XXYLT1: variants seen among roughly 807,000 people sequenced by gnomAD.
The protein encoded by XXYLT1 is UDP-xylose:alpha-xyloside alpha-1,3-xylosyltransferase.
A neutral mutation model predicts 28.9 loss-of-function variants in XXYLT1; 20 were observed. That is an observed-to-expected ratio of 0.69 (90% CI 0.49 to 1.00). The LOEUF is 1.00. Ranked by LOEUF, XXYLT1 falls within the 50% of genes least tolerant of loss-of-function variation. The probability of loss-of-function intolerance (pLI) is 0.00; values close to 1 mark genes in which losing one functional copy is unlikely to be tolerated. For missense variants in XXYLT1, 542 were observed against 560.1 expected (o/e 0.97, Z 0.33); for synonymous variants, 257 against 253.8 (o/e 1.01, Z -0.12).
intron 3 of XXYLT1, among the ~76,000 whole-genome samples, chr3:195,112,458 G>C (rs1168247369): frequency 1.4e-5 from 2 of 146,272 alleles, no homozygotes; most frequent in Non-Finnish European, 3.0e-5. Flanking sequence ...CCACACGCAT[G>C]TGCACACCCA....
chr3:195,167,951 CGAT>C (rs1329780672), intron 2 of XXYLT1, among the ~76,000 whole-genome samples: 1 of 152,196 alleles, frequency 6.6e-6, no homozygotes, highest in Non-Finnish European at 1.5e-5. Context: ...CACTCATACT[CGAT>C]GAAGAAATGA....
intron 3 of XXYLT1, among the ~76,000 whole-genome samples, chr3:195,097,339 T>C (rs1577021641): frequency 6.6e-6 from 1 of 151,568 alleles, no homozygotes; most frequent in Non-Finnish European, 1.5e-5. Flanking sequence ...TCATCCTCAC[T>C]AAACTTTGTG....
chr3:195,211,923 T>C, intron 2 of XXYLT1, among the ~76,000 whole-genome samples: 1 of 133,862 alleles, frequency 7.5e-6, no homozygotes. Context: ...CAGGAAGATC[T>C]GGAGGAGGAA....
intron 1 of XXYLT1, among the ~76,000 whole-genome samples, chr3:195,249,499 G>A (rs903210392): frequency 2.0e-5 from 3 of 152,174 alleles, no homozygotes; most frequent in African/African-American, 4.8e-5. Flanking sequence ...AGGCAGCAAC[G>A]TAGATGGACA....
intron 2 of XXYLT1, among the ~76,000 whole-genome samples, chr3:195,167,198 T>A (rs1721170181): frequency 6.6e-6 from 1 of 152,250 alleles, no homozygotes; most frequent in African/African-American, 2.4e-5. Context: ...AACAACATTT[T>A]GTGGGGCAAT....
At chr3:195,222,400 T>A (rs923223696) in intron 2 of XXYLT1, among the ~76,000 whole-genome samples, 4 of 152,182 alleles carry the variant, frequency 2.6e-5, no homozygotes, top group African/African-American at 4.8e-5. Flanking sequence ...ACTAACAGGC[T>A]TAGAACTGTA....
At chr3:195,200,939 G>C (rs750111807) in intron 2 of XXYLT1, among the ~76,000 whole-genome samples, 3 of 152,178 alleles carry the variant, frequency 2.0e-5, no homozygotes, top group Non-Finnish European at 4.4e-5. Flanking sequence ...TTCTCAACTA[G>C]AGATGTACAT....
At chr3:195,123,247 C>T (rs762989989) in intron 3 of XXYLT1, among the ~76,000 whole-genome samples, 1 of 151,982 alleles carries the variant, frequency 6.6e-6, no homozygotes, top group African/African-American at 2.4e-5. Flanking sequence ...AGGGGCCCAC[C>T]ACCTATCCAT....
chr3:195,142,151 C>T (rs1336533728), intron 3 of XXYLT1, among the ~76,000 whole-genome samples: 1 of 152,218 alleles, frequency 6.6e-6, no homozygotes. Context: ...CTCCCTGCTC[C>T]ACCACATCAA....
intron 3 of XXYLT1, among the ~76,000 whole-genome samples, chr3:195,093,423 C>G (rs1193256697): frequency 8.1e-6 from 1 of 123,682 alleles, no homozygotes; most frequent in African/African-American, 3.5e-5. Context: ...AGTAAACTAT[C>G]GCAAGTACAA....
chr3:195,206,059 C>G (rs1303835116), intron 2 of XXYLT1, among the ~76,000 whole-genome samples: 1 of 136,602 alleles, frequency 7.3e-6, no homozygotes, highest in African/African-American at 2.8e-5. Context: ...GAGTCTCACT[C>G]TGTCACCCAG....
chr3:195,199,527 C>T lies in XXYLT1; in HGVS notation c.652+27182G>A, dbSNP rs183658561. On this transcript the variant is annotated intron_variant, in intron 2 of 3. Transcript: ENST00000310380. The stretch of plus-strand genomic sequence containing the variant: ...TCATGAGGCTGAGGCAGCAGAATGG[C>T]GTGAACCCGGGAGGCGGAGCTTGCA... 1.9e-3 allele frequency among the ~76,000 whole-genome samples: 293 copies of T among 152,060 alleles called. 1 individual carries two copies. Among genetic ancestry groups the T allele is most frequent in the African/African-American group, 6.9e-3 (286 of 41,412 alleles).
chr3:195,138,664 G>A (rs1719320521), intron 3 of XXYLT1, among the ~76,000 whole-genome samples: 1 of 152,026 alleles, frequency 6.6e-6, no homozygotes, highest in African/African-American at 2.4e-5. Flanking sequence ...AGACCAGCCT[G>A]GTCAGCATGG....
chr3:195,121,182 C>T (rs548383477), intron 3 of XXYLT1, among the ~76,000 whole-genome samples: 43 of 152,340 alleles, frequency 2.8e-4, no homozygotes, highest in Non-Finnish European at 4.7e-4. Context: ...AGGCCTTGGC[C>T]GCCCAGCCAT....
At chr3:195,117,657 C>T (rs543780376) in intron 3 of XXYLT1, among the ~76,000 whole-genome samples, 3 of 152,058 alleles carry the variant, frequency 2.0e-5, no homozygotes, top group Non-Finnish European at 2.9e-5. Context: ...CCCTCTCTCA[C>T]GCACACATGC....
intron 3 of XXYLT1, among the ~76,000 whole-genome samples, chr3:195,143,893 TTTTTTA>T (rs1245857766): frequency 7.6e-6 from 1 of 131,434 alleles, no homozygotes; most frequent in Non-Finnish European, 1.6e-5. Flanking sequence ...TATATATTTA[TTTTTTA>T]TTTTTATTTT....
chr3:195,116,484 A>C lies in XXYLT1; in HGVS notation c.785+39965T>G, dbSNP rs189199016. Among the ~76,000 whole-genome samples the C allele has an allele frequency of 4.9e-3, 747 of 152,306 alleles. 7 individuals carry two copies. The highest frequency in any genetic ancestry group is 0.017 in the African/African-American group (708 of 41,546). ...GCTTCAGAAACATCAGTCAAGATCC[A>C]AACTATTTACAGGTGCACTGCCAAG... On this transcript the variant is annotated intron_variant, in intron 3 of 3. Transcript: ENST00000310380.
chr3:195,093,625 A>G (rs1196043972), intron 3 of XXYLT1: 2 of 151,752 alleles, frequency 1.3e-5, no homozygotes, highest in Non-Finnish European at 2.9e-5. Context: ...GCACATGTAT[A>G]CATATGTAAC....
In XXYLT1 at chr3:195,150,253, A is replaced by G. The variant is rs995509688; in HGVS notation, c.785+6196T>C. ...AGTGTTATAATCTCCATTTCTCATG[A>G]GCTAAAGAGACTAAGGCTCAGAGAC... On this transcript the variant is annotated intron_variant, in intron 3 of 3. Coordinates refer to ENST00000310380, the MANE Select transcript of XXYLT1 (RefSeq NM_152531.5). This position sits in a 1 kb window ranked among gnomAD's most constrained non-coding sequence, Gnocchi z 4.7. Among the ~76,000 whole-genome samples the G allele has an allele frequency of 6.6e-6, 1 of 152,208 alleles. No individual in the cohort carries two copies. Among genetic ancestry groups the G allele is most frequent in the Non-Finnish European group, 1.5e-5 (1 of 68,038 alleles).
Sources: allele counts gnomAD v4.1 joint callset (sites outside exome capture counted in the v4.1 genomes callset), GRCh38; gene constraint gnomAD v4.1.1; non-coding constraint Gnocchi (gnomAD v3.1); transcripts MANE v1.5; gene names NCBI Gene and HGNC (gene_info 2026-07-23, HGNC 2026-07-21).